Variants in PARD3B observed in about 807,000 individuals in gnomAD.
The protein encoded by PARD3B is par-3 family cell polarity regulator beta, also known as partitioning defective 3 homolog B.
PARD3B carries 103 observed loss-of-function variants against 130.2 expected under a neutral mutation model. The observed-to-expected ratio is 0.79, with a 90% CI of 0.67 to 0.93. The LOEUF (loss-of-function observed/expected upper bound fraction) is 0.93. Among genes scored for constraint, PARD3B ranks in the 40% least tolerant of loss-of-function variants. The pLI is 0.00. For missense variants in PARD3B, 1,609 were observed against 1,499.2 expected, an observed-to-expected ratio of 1.07 and a Z score of -1.21; for synonymous variants, 583 against 553.2, an observed-to-expected ratio of 1.05 and a Z score of -0.76.
chr2:205,281,910 T>C lies in PARD3B; in HGVS notation c.2186-18620T>C, dbSNP rs936086732. Among the ~76,000 whole-genome samples the C allele has an allele frequency of 3.9e-5, 6 of 152,240 alleles. No homozygotes were observed. Among genetic ancestry groups the C allele is most frequent in the Non-Finnish European group, 7.3e-5 (5 of 68,034 alleles). ...GAAGACAAAAAGAAACTAATTCTAC[T>C]TGTGTGTCTTCCTGGTTTTAACTTA... On this transcript the variant is annotated intron_variant, in intron 16 of 22. Transcript: ENST00000406610. The surrounding 1 kb of genome is among the most constrained non-coding windows in gnomAD (Gnocchi z 4.2).
At chr2:205,382,314 T>C (rs1282405224) in intron 18 of PARD3B, among the ~76,000 whole-genome samples, 4 of 152,106 alleles carry the variant, frequency 2.6e-5, no homozygotes, top group African/African-American at 9.7e-5. Flanking sequence ...ATTTGGGTTT[T>C]TCTTACCATG....
chr2:205,272,271 A>G (rs1376214022), intron 16 of PARD3B, among the ~76,000 whole-genome samples: 1 of 152,092 alleles, frequency 6.6e-6, no homozygotes, highest in African/African-American at 2.4e-5. Flanking sequence ...AAATATGGCA[A>G]TATATATTTT....
intron 19 of PARD3B, among the ~76,000 whole-genome samples, chr2:205,406,659 CTTTTTTTTT>C (rs777517284): frequency 1.8e-4 from 16 of 87,464 alleles, no homozygotes; most frequent in Admixed American, 1.4e-3. Context: ...TCTTGTGTAT[CTTTTTTTTT>C]TTTTTTTTTT....
rs144516098 is a variant in PARD3B, at chr2:204,745,024, G to C, written c.222+58742G>C. ...TTCATTGTGGGGTCCTATCTGAGTA[G>C]GGAAGGAAATAAAGACAGGAAGAGA... On this transcript the variant is annotated intron_variant, in intron 2 of 22. Transcript: ENST00000406610. Among the ~76,000 whole-genome samples the C allele has an allele frequency of 1.1e-3, 175 of 152,264 alleles. 1 individual carries two copies. The highest frequency in any genetic ancestry group is 4.0e-3 in the African/African-American group (167 of 41,562).
chr2:205,177,984 C>G (rs2125766026), intron 13 of PARD3B, among the ~76,000 whole-genome samples: 1 of 151,668 alleles, frequency 6.6e-6, no homozygotes, highest in South Asian at 2.1e-4. Context: ...CTATTGGAGT[C>G]CTTTCACCTA....
rs2035470969 is a variant in PARD3B, at chr2:205,176,407, T to C, written c.1792-38T>C. The C allele has an allele frequency of 6.4e-7, 1 of 1,563,168 alleles. No individual in the cohort carries two copies. The highest frequency in any genetic ancestry group is 8.7e-7 in the Non-Finnish European group (1 of 1,153,376). ...CTTCAACTGACCAAGTTGGAACATA[T>C]TAAAAATGCAAATGTAATTTTTACT... On this transcript the variant is annotated intron_variant, in intron 12 of 22. Transcript: ENST00000406610. This position sits in a 1 kb window ranked among gnomAD's most constrained non-coding sequence, Gnocchi z 5.3.
Position 205,225,574 on chromosome 2 carries a change from A to G in PARD3B, c.2141-20204A>G, listed in dbSNP as rs59604592. Among the ~76,000 whole-genome samples, 770 of 152,272 alleles carry G rather than the reference A, an allele frequency of 5.1e-3. 4 individuals carry two copies. The highest frequency in any genetic ancestry group is 0.017 in the African/African-American group (723 of 41,552). ...TTTAAAGAACTACCTGAGACTGGGT[A>G]ATTTATGAAGAAAAGAAGTTTAATT... On this transcript the variant is annotated intron_variant, in intron 15 of 22. Transcript: ENST00000406610.
At chr2:204,794,225 T>G (rs2042290962) in intron 2 of PARD3B, among the ~76,000 whole-genome samples, 1 of 152,184 alleles carries the variant, frequency 6.6e-6, no homozygotes, top group South Asian at 2.1e-4. Flanking sequence ...TTGATAGAGA[T>G]TTAGAGAGAC....
At chr2:205,181,089 C>A (rs1225787944) in intron 13 of PARD3B, among the ~76,000 whole-genome samples, 1 of 152,142 alleles carries the variant, frequency 6.6e-6, no homozygotes, top group African/African-American at 2.4e-5. Context: ...CAAGTGCACT[C>A]CTGTCTTAGG....
intron 2 of PARD3B, among the ~76,000 whole-genome samples, chr2:204,916,420 T>C (rs1052569315): frequency 6.7e-6 from 1 of 149,356 alleles, no homozygotes; most frequent in Admixed American, 6.7e-5. Context: ...TCTCTGAAAT[T>C]GTTTAATGTT....
Position 205,550,957 on chromosome 2 carries a change from A to ATATATATATATATATATGTG in PARD3B, c.3181-2350_3181-2349insGTGTATATATATATATATAT. Among the ~76,000 whole-genome samples the ATATATATATATATATATGTG allele has an allele frequency of 1.2e-5, 1 of 84,802 alleles. No homozygotes were observed. Among genetic ancestry groups the ATATATATATATATATATGTG allele is most frequent in the African/African-American group, 6.0e-5 (1 of 16,790 alleles). The allele number at this position is 84,802 out of a possible 152,430, so 55.6% of individuals were successfully genotyped here. On this transcript the variant is annotated intron_variant, in intron 21 of 22. Transcript: ENST00000406610. The surrounding 1 kb of genome is among the most constrained non-coding windows in gnomAD (Gnocchi z 4.5). ...TGTGTGTGTGTATATATATATGTGT[A>ATATATATATATATATATGTG]TATATATATATATATATATACACAC...
intron 1 of PARD3B, among the ~76,000 whole-genome samples, chr2:204,615,420 A>G (rs1261806770): frequency 1.3e-5 from 2 of 152,198 alleles, no homozygotes; most frequent in South Asian, 2.1e-4. Context: ...TTTGAAAAAC[A>G]TTGGTTGACT....
intron 1 of PARD3B, among the ~76,000 whole-genome samples, chr2:204,597,631 G>A (rs1020823180): frequency 3.3e-5 from 5 of 152,164 alleles, no homozygotes; most frequent in South Asian, 2.1e-4. Context: ...TCTTAAGTGG[G>A]CCAGTCAATA....
chr2:204,902,331 G>A (rs1376132523), intron 2 of PARD3B, among the ~76,000 whole-genome samples: 1 of 151,800 alleles, frequency 6.6e-6, no homozygotes, highest in Non-Finnish European at 1.5e-5. Flanking sequence ...TTATAAGCAT[G>A]AGTGTGATCG....
Position 205,287,239 on chromosome 2 carries a change from A to G in PARD3B, c.2186-13291A>G, listed in dbSNP as rs1313776534. Among the ~76,000 whole-genome samples, 2 of 152,246 alleles carry G rather than the reference A, an allele frequency of 1.3e-5. 1 individual carries two copies. On this transcript the variant is annotated intron_variant, in intron 16 of 22. Transcript: ENST00000406610. This position sits in a 1 kb window ranked among gnomAD's most constrained non-coding sequence, Gnocchi z 4.8. ...ATGAGAGATTGGAGAATAGAATATGAAGTCAAGACTGTGAGTTACAATGGA... is the reference window on the plus strand; with the variant it reads ...ATGAGAGATTGGAGAATAGAATATGGAGTCAAGACTGTGAGTTACAATGGA...
At chr2:204,849,752 T>G (rs1234871511) in intron 2 of PARD3B, among the ~76,000 whole-genome samples, 1 of 152,208 alleles carries the variant, frequency 6.6e-6, no homozygotes, top group Non-Finnish European at 1.5e-5. Flanking sequence ...CCTTTCTAAA[T>G]TTGTTAGTGT....
At chr2:205,600,893 C>G (rs1482269107) in intron 22 of PARD3B, among the ~76,000 whole-genome samples, 4 of 152,192 alleles carry the variant, frequency 2.6e-5, no homozygotes, top group African/African-American at 9.7e-5. Context: ...TTTTCTTTAT[C>G]CAGTCTGTCA....
chr2:204,875,526 A>C (rs1008517886), intron 2 of PARD3B, among the ~76,000 whole-genome samples: 3 of 152,174 alleles, frequency 2.0e-5, no homozygotes, highest in African/African-American at 7.2e-5. Flanking sequence ...GAGATTCTGT[A>C]TTTCCAACCA....
intron 4 of PARD3B, among the ~76,000 whole-genome samples, chr2:205,063,246 G>A (rs1001646772): frequency 6.6e-6 from 1 of 151,796 alleles, no homozygotes; most frequent in African/African-American, 2.4e-5. Flanking sequence ...ACCCTAATTT[G>A]ATCATTATAC....
Sources: gnomAD v4.1 joint callset for allele counts (sites outside exome capture counted in the v4.1 genomes callset) on GRCh38, gnomAD v4.1.1 for gene constraint, Gnocchi (gnomAD v3.1) non-coding constraint, MANE v1.5 for transcripts, NCBI Gene and HGNC (gene_info 2026-07-23, HGNC 2026-07-21) for gene names.